The following PCDHGA11 variants were observed in gnomAD, a reference collection of about 807,000 sequenced individuals.
The protein encoded by PCDHGA11 is protocadherin gamma subfamily A, 11, also known as protocadherin gamma-A11.
PCDHGA11 carries 39 observed loss-of-function variants against 60.4 expected under a neutral mutation model. That is an observed-to-expected ratio of 0.65 (90% CI 0.50 to 0.84). The LOEUF is 0.84. PCDHGA11 is among the 40% of genes least tolerant of loss of function. PCDHGA11 has a pLI of 0.00. For synonymous variants in PCDHGA11, 533 were observed against 510.3 expected, an observed-to-expected ratio of 1.04 and a Z score of -0.60; for missense variants, 1,165 against 1,197.7, an observed-to-expected ratio of 0.97 and a Z score of 0.40.
intron 3 of PCDHGA11, among the ~76,000 whole-genome samples, chr5:141,510,556 T>TA (rs2099881668): frequency 6.6e-6 from 1 of 152,178 alleles, no homozygotes; most frequent in African/African-American, 2.4e-5. Flanking sequence ...TTTGAGCACT[T>TA]ACATCTACCA....
At chr5:141,488,260 G>A (rs1297588710) in intron 1 of PCDHGA11, among the ~76,000 whole-genome samples, 2 of 152,182 alleles carry the variant, frequency 1.3e-5, no homozygotes, top group Non-Finnish European at 1.5e-5. Context: ...AGGTTGGGGC[G>A]GGTTGGTCAT....
In PCDHGA11 at chr5:141,485,313, A is replaced by G. The variant is rs758628263; in HGVS notation, c.2434-9494A>G. On this transcript the variant is annotated intron_variant, in intron 1 of 3. Transcript: ENST00000398587. The surrounding 1 kb of genome is among the most constrained non-coding windows in gnomAD (Gnocchi z 5.7). Reference sequence around the variant, plus strand: ...TCACAGGAAGGGACTTTTGTAGGGAATGTCGCTCAAGATTTCCTGCTGGAT... The same window carrying G: ...TCACAGGAAGGGACTTTTGTAGGGAGTGTCGCTCAAGATTTCCTGCTGGAT... 1.2e-6 allele frequency: 2 copies of G among 1,614,186 alleles called. No individual in the cohort carries two copies. Among genetic ancestry groups the G allele is most frequent in the African/African-American group, 1.3e-5 (1 of 75,054 alleles).
Position 141,491,713 on chromosome 5 carries a change from G to A in PCDHGA11, c.2434-3094G>A. On this transcript the variant is annotated intron_variant, in intron 1 of 3. Transcript: ENST00000398587. This position sits in a 1 kb window ranked among gnomAD's most constrained non-coding sequence, Gnocchi z 6.9. ...GGAGCGGAGCCAGGTGAGGGGCTCG[G>A]CGCCGCCCCGGGCGACCCCTGGGGG... The A allele has an allele frequency of 1.9e-6, 3 of 1,609,174 alleles. No individual in the cohort carries two copies. Among genetic ancestry groups the A allele is most frequent in the Non-Finnish European group, 2.5e-6 (3 of 1,178,054 alleles).
Position 141,485,187 on chromosome 5 carries a change from T to A in PCDHGA11, c.2434-9620T>A, listed in dbSNP as rs1325714839. ...CGGGCGGCAGCAATGCTCCGCAAGG[T>A]GAGAAGCTGGACAGAAATCTGGCGG... On this transcript the variant is annotated intron_variant, in intron 1 of 3. Transcript: ENST00000398587. This position sits in a 1 kb window ranked among gnomAD's most constrained non-coding sequence, Gnocchi z 5.7. 1 of 1,613,502 alleles carries A rather than the reference T, an allele frequency of 6.2e-7. No individual in the cohort carries two copies. The highest frequency in any genetic ancestry group is 1.7e-5 in the Admixed American group (1 of 60,018).
At position 141,476,717 on chromosome 5, in the gene PCDHGA11, G is replaced by A. The variant is rs2099397053; in HGVS notation, c.2434-18090G>A. 6.2e-7 allele frequency: 1 copy of A among 1,614,048 alleles called. No homozygotes were observed. The stretch of plus-strand genomic sequence containing the variant: ...GTACGCGGAGCTGGTGTTGGAGCGC[G>A]CCCTGGACCGAGAACGGGAGCCTAG... On this transcript the variant is annotated intron_variant, in intron 1 of 3. Transcript: ENST00000398587. This position sits in a 1 kb window ranked among gnomAD's most constrained non-coding sequence, Gnocchi z 7.6.
chr5:141,480,380 A>C (rs1192159457), intron 1 of PCDHGA11, among the ~76,000 whole-genome samples: 3 of 151,970 alleles, frequency 2.0e-5, no homozygotes, highest in African/African-American at 4.8e-5. Context: ...GCACCACTAC[A>C]CTTCAACCAT....
chr5:141,500,184 TTTTA>T (rs58019021), intron 2 of PCDHGA11, among the ~76,000 whole-genome samples: 6,359 of 135,894 alleles, frequency 0.047, 285 homozygotes, highest in African/African-American at 0.12. Context: ...TCATTTTTAT[TTTTA>T]TTTATTTATT....
intron 1 of PCDHGA11, among the ~76,000 whole-genome samples, chr5:141,453,864 G>A (rs758778743): frequency 2.6e-5 from 4 of 152,192 alleles, no homozygotes; most frequent in Non-Finnish European, 5.9e-5. Context: ...GAAAATAACA[G>A]ATGAGCAAAA....
At chr5:141,462,020 T>G (rs1371390043) in intron 1 of PCDHGA11, among the ~76,000 whole-genome samples, 6 of 152,110 alleles carry the variant, frequency 3.9e-5, no homozygotes, top group Non-Finnish European at 8.8e-5. Flanking sequence ...ACGGGGTTTC[T>G]TCATGTTGGT....
Position 141,423,358 on chromosome 5 carries a change from G to A in PCDHGA11, c.2131G>A (p.Val711Met), listed in dbSNP as rs202010010. The A allele has an allele frequency of 2.3e-4, 371 of 1,614,078 alleles. 1 individual carries two copies. The highest frequency in any genetic ancestry group is 2.8e-4 in the Non-Finnish European group (334 of 1,180,024). ...CTGCATCTTCCTGGTCTTTGTCATC[G>A]TGCTGCTGGCACTCAGGCTGTGGCG... ...VSCIFLVFVI[V>M]LLALRLWRWH... The change falls in exon 1 of 4, where the codon GTG (valine) becomes ATG (methionine). Residue 711 changes from valine (V) to methionine (M), a missense_variant. Physicochemically the swap from Val to Met is conservative, Grantham distance 21. Coordinates refer to ENST00000398587, the MANE Select transcript of PCDHGA11 (RefSeq NM_018914.3).
At chr5:141,467,649 T>C (rs2099147987) in intron 1 of PCDHGA11, among the ~76,000 whole-genome samples, 1 of 152,146 alleles carries the variant, frequency 6.6e-6, no homozygotes, top group Non-Finnish European at 1.5e-5. Flanking sequence ...TGTACCAAAC[T>C]TCTATAGTGC....
chr5:141,432,035 G>C lies in PCDHGA11; in HGVS notation c.2433+8375G>C. 6 of 1,614,218 alleles carry C rather than the reference G, an allele frequency of 3.7e-6. No homozygotes were observed. Among genetic ancestry groups the C allele is most frequent in the Non-Finnish European group, 5.1e-6 (6 of 1,180,046 alleles). ...CTACAACATCACAGTGACCGCCACT[G>C]ACCGGGGAACCCCGCCCCTATCCAC... On this transcript the variant is annotated intron_variant, in intron 1 of 3. Coordinates refer to ENST00000398587, the MANE Select transcript of PCDHGA11 (RefSeq NM_018914.3). The surrounding 1 kb of genome is among the most constrained non-coding windows in gnomAD (Gnocchi z 6.0).
At chr5:141,498,971 GGGAAGGAA>G (rs201769957) in intron 2 of PCDHGA11, among the ~76,000 whole-genome samples, 18,877 of 110,786 alleles carry the variant, frequency 0.17, 1,784 homozygotes, top group Admixed American at 0.31. Context: ...GAGGGAGGGA[GGGAAGGAA>G]GGAAGGAAGG....
At chr5:141,433,732 G>A (rs1181042854) in intron 1 of PCDHGA11, among the ~76,000 whole-genome samples, 2 of 151,886 alleles carry the variant, frequency 1.3e-5, no homozygotes, top group Non-Finnish European at 2.9e-5. Flanking sequence ...AGCTACTTGG[G>A]AGGCTGAGTC....
intron 1 of PCDHGA11, among the ~76,000 whole-genome samples, chr5:141,462,483 G>T (rs1402125086): frequency 2.0e-5 from 3 of 151,986 alleles, no homozygotes; most frequent in African/African-American, 7.3e-5. Context: ...TCTCGTGGTT[G>T]TTGTATCCTA....
intron 1 of PCDHGA11, among the ~76,000 whole-genome samples, chr5:141,459,664 T>A (rs766213146): frequency 1.3e-5 from 2 of 152,262 alleles, no homozygotes; most frequent in Non-Finnish European, 2.9e-5. Flanking sequence ...TCACTTTACA[T>A]TTTCATGAGC....
chr5:141,507,075 C>T (rs1006779614), intron 3 of PCDHGA11: 25 of 152,176 alleles, frequency 1.6e-4, no homozygotes, highest in Admixed American at 1.1e-3. Context: ...CCTGGCTCAA[C>T]TCCTAAGTTT....
At chr5:141,430,680 C>T (rs990086941) in intron 1 of PCDHGA11, 1 of 1,343,242 alleles carries the variant, frequency 7.4e-7, no homozygotes, top group Non-Finnish European at 1.0e-6. Flanking sequence ...TCCCAACTGT[C>T]CCATTCTATG....
Position 141,427,553 on chromosome 5 carries a change from TG to T in PCDHGA11, c.2433+3894del, listed in dbSNP as rs201716174. ...AGTACAACGTCACCATCACTGCCAC[TG>T]ACAAGGGCAAGCCTCCGCTCTCATC... On this transcript the variant is annotated intron_variant, in intron 1 of 3. Transcript: ENST00000398587. 2.7e-3 allele frequency: 1,760 copies of T among 646,124 alleles called. 23 individuals are homozygous for T. In the African/African-American group the frequency reaches 0.028, roughly 10 times the overall value. 40.0% of individuals were successfully genotyped at this position (646,124 alleles called of 1,614,324 possible).
Sources: gnomAD v4.1 joint callset for allele counts (sites outside exome capture counted in the v4.1 genomes callset) on GRCh38, gnomAD v4.1.1 for gene constraint, Gnocchi (gnomAD v3.1) non-coding constraint, MANE v1.5 for transcripts, NCBI Gene and HGNC (gene_info 2026-07-23, HGNC 2026-07-21) for gene names.